The following MYOF variants were observed in gnomAD, a reference collection of about 807,000 sequenced individuals.
MYOF encodes fer-1-like 3, myoferlin.
Under a neutral mutation model 284.2 loss-of-function variants are expected in MYOF, and 244 were observed. The observed-to-expected ratio is 0.86, with a 90% confidence interval of 0.77 to 0.95. The LOEUF (loss-of-function observed/expected upper bound fraction) is 0.95. Among genes scored for constraint, MYOF ranks in the 40% least tolerant of loss-of-function variants. MYOF has a pLI of 0.00. For synonymous variants in MYOF, 904 were observed against 919.7 expected (o/e 0.98, Z 0.31); for missense variants, 2,496 against 2,560.6 (o/e 0.97, Z 0.54).
intron 24 of MYOF, among the ~76,000 whole-genome samples, chr10:93,370,383 C>T (rs1209908305): frequency 7.0e-6 from 1 of 143,374 alleles, no homozygotes; most frequent in Non-Finnish European, 1.5e-5. Flanking sequence ...TCAATCTCGG[C>T]TCACTGCACC....
intron 1 of MYOF, among the ~76,000 whole-genome samples, chr10:93,474,234 G>A (rs2057211423): frequency 6.6e-6 from 1 of 152,118 alleles, no homozygotes; most frequent in Non-Finnish European, 1.5e-5. Flanking sequence ...CTTCTTACTA[G>A]TCTCCCTGAC....
chr10:93,334,875 A>G (rs1028475629), intron 41 of MYOF, among the ~76,000 whole-genome samples: 2 of 152,166 alleles, frequency 1.3e-5, no homozygotes, highest in African/African-American at 4.8e-5. Context: ...TGTACTGAGA[A>G]GGATTTGAGA....
chr10:93,470,603 T>C (rs546887398), intron 1 of MYOF, among the ~76,000 whole-genome samples: 2 of 152,244 alleles, frequency 1.3e-5, no homozygotes, highest in South Asian at 2.1e-4. Context: ...GGTTTCATCA[T>C]GTTGGCCAGG....
intron 21 of MYOF, among the ~76,000 whole-genome samples, chr10:93,379,254 C>G (rs759119440): frequency 6.6e-6 from 1 of 152,178 alleles, no homozygotes; most frequent in Non-Finnish European, 1.5e-5. Flanking sequence ...GAGATTTCCA[C>G]TGCAAAGTTC....
At chr10:93,394,744 G>A (rs1391706079) in intron 16 of MYOF, among the ~76,000 whole-genome samples, 3 of 149,624 alleles carry the variant, frequency 2.0e-5, no homozygotes, top group Admixed American at 6.7e-5. Context: ...ACAGGAGTGA[G>A]CCACTGGGCC....
intron 22 of MYOF, among the ~76,000 whole-genome samples, chr10:93,376,630 G>T (rs1203886634): frequency 2.6e-5 from 4 of 152,132 alleles, no homozygotes; most frequent in Non-Finnish European, 5.9e-5. Context: ...AGGCCTTTTT[G>T]CTTGTGGAAA....
rs753078668 is a variant in MYOF at position 93,452,071 on chromosome 10, A to T, written c.215T>A (p.Phe72Tyr). The change falls in exon 3 of 54, where the codon TTT becomes TAT. Residue 72 changes from phenylalanine (F) to tyrosine (Y), a missense_variant. Phe to Tyr is a conservative substitution (Grantham distance 22). Around this residue, in one of 3 missense-constraint regions of MYOF, gnomAD observed 2,436 missense variants for 2,480.7 expected, o/e 0.98. Transcript: ENST00000359263. ...SSSLGIIVKD[F>Y]ETIGQNKLIG... is the part of the protein sequence containing the mutation. Reference sequence around the variant, plus strand: ...TTACTTATTTTGTCCAATTGTCTCAAAATCTTTCACAATAATCCCAAGGGA... The same window carrying T: ...TTACTTATTTTGTCCAATTGTCTCATAATCTTTCACAATAATCCCAAGGGA... 6.2e-7 allele frequency: 1 copy of T among 1,612,874 alleles called. No homozygotes were observed. The highest frequency in any genetic ancestry group is 1.1e-5 in the South Asian group (1 of 90,826).
chr10:93,328,674 T>TAATTAGGTATAAATA (rs1281118419), intron 45 of MYOF, 89 bp downstream of exon 45: 5 of 1,355,192 alleles, frequency 3.7e-6, no homozygotes, highest in Non-Finnish European at 5.1e-6. Context: ...ATTAGGGTAC[T>TAATTAGGTATAAATA]GGCTCTGTCT....
At position 93,374,918 on chromosome 10, in the gene MYOF, T is replaced by C. The variant is rs1845766275; in HGVS notation, c.2146A>G (p.Thr716Ala). 2 of 1,613,804 alleles carry C rather than the reference T, an allele frequency of 1.2e-6. No individual in the cohort carries two copies. The highest frequency in any genetic ancestry group is 1.7e-5 in the Admixed American group (1 of 59,950). The stretch of plus-strand genomic sequence containing the variant: ...TTTCGGATCTGAGTATCGAGAACTG[T>C]GACGTTGGCTTTTCCTTCTGTGAGA... ...LPLTEGKANV[T>A]VLDTQIRKLR... Residue 716 changes from threonine to alanine, a missense_variant, in exon 23 of 54, where the codon ACA (threonine) becomes GCA (alanine). This residue lies in a region of MYOF where 2,436 missense variants were observed against 2,480.7 expected (regional missense o/e 0.98). Transcript: ENST00000359263.
At chr10:93,476,723 G>T (rs2057272535) in intron 1 of MYOF, among the ~76,000 whole-genome samples, 1 of 152,158 alleles carries the variant, frequency 6.6e-6, no homozygotes, top group African/African-American at 2.4e-5. Flanking sequence ...AGGACTCTCT[G>T]AGAGGTTAAC....
intron 3 of MYOF, 54 bp from the exon 4 acceptor site, chr10:93,431,570 A>G (rs1461246070): frequency 1.5e-6 from 2 of 1,354,004 alleles, no homozygotes; most frequent in African/African-American, 1.4e-5. Context: ...TAGGCTTCCA[A>G]TGACTCAGGA....
chr10:93,314,660 T>A (rs1842537357), intron 50 of MYOF, among the ~76,000 whole-genome samples: 3 of 152,344 alleles, frequency 2.0e-5, no homozygotes, highest in Admixed American at 6.5e-5. Flanking sequence ...GACCTATGAC[T>A]GCTTTTGTCT....
At chr10:93,411,724 C>T (rs1007553710) in intron 5 of MYOF, among the ~76,000 whole-genome samples, 1 of 152,278 alleles carries the variant, frequency 6.6e-6, no homozygotes, top group African/African-American at 2.4e-5. Context: ...GGCCCTGCTC[C>T]TCATCATCCA....
intron 3 of MYOF, among the ~76,000 whole-genome samples, chr10:93,436,293 A>G (rs1849117651): frequency 6.6e-6 from 1 of 152,162 alleles, no homozygotes; most frequent in Non-Finnish European, 1.5e-5. Flanking sequence ...CTTCCCCCAG[A>G]GAGGGTAGTA....
chr10:93,397,025 C>A (rs1847045489), intron 15 of MYOF, among the ~76,000 whole-genome samples: 1 of 152,062 alleles, frequency 6.6e-6, no homozygotes, highest in African/African-American at 2.4e-5. Context: ...CAGCACGTTC[C>A]CCTTCTTTTG....
At chr10:93,440,471 T>A (rs1837144993) in intron 3 of MYOF, among the ~76,000 whole-genome samples, 1 of 152,046 alleles carries the variant, frequency 6.6e-6, no homozygotes, top group Admixed American at 6.5e-5. Context: ...CAGCACCCAC[T>A]CAGACCTCAC....
intron 27 of MYOF, among the ~76,000 whole-genome samples, chr10:93,363,197 A>G (rs921871679): frequency 1.3e-5 from 2 of 152,266 alleles, no homozygotes; most frequent in Admixed American, 1.3e-4. Context: ...CTGTGTGTGC[A>G]ACACAATTCT....
intron 1 of MYOF, among the ~76,000 whole-genome samples, chr10:93,476,535 A>G (rs1187219433): frequency 6.6e-6 from 1 of 152,062 alleles, no homozygotes; most frequent in African/African-American, 2.4e-5. Flanking sequence ...TAAAAGATAT[A>G]TTCTTGGTGT....
chr10:93,316,827 A>G lies in MYOF; in HGVS notation c.5599-14T>C, dbSNP rs1564612832. 6.3e-7 allele frequency: 1 copy of G among 1,599,760 alleles called. No homozygotes were observed. On this transcript the variant is annotated splice_polypyrimidine_tract_variant and intron_variant, in intron 49 of 53. Coordinates refer to ENST00000359263, the MANE Select transcript of MYOF (RefSeq NM_013451.4). The stretch of plus-strand genomic sequence containing the variant: ...CCAGAAATGCTCCTAAAACAAAAAG[A>G]AACATGATCATGATGACTCTGAAAC...
Sources: allele counts gnomAD v4.1 joint callset (sites outside exome capture counted in the v4.1 genomes callset), GRCh38; gene constraint gnomAD v4.1.1; regional missense constraint gnomAD v4.1.1; transcripts MANE v1.5; gene names NCBI Gene and HGNC (gene_info 2026-07-23, HGNC 2026-07-21).